ROBO1: variants seen among roughly 807,000 people sequenced by gnomAD.
ROBO1 encodes the protein roundabout homolog 1.
ROBO1 carries 149 observed loss-of-function variants against 195.9 expected under a neutral mutation model. The observed-to-expected ratio is 0.76, with a 90% CI of 0.67 to 0.87. ROBO1 has a LOEUF of 0.87. ROBO1 is among the 40% of genes least tolerant of loss of function. The pLI is 0.00. For missense variants in ROBO1, 1,933 were observed against 2,068.3 expected (o/e 0.93, Z 1.27); for synonymous variants, 816 against 733.2 (o/e 1.11, Z -1.82).
At chr3:78,606,659 C>T (rs1703473035) in intron 29 of ROBO1, 74 bp downstream of exon 29, 13 of 1,442,536 alleles carry the variant, frequency 9.0e-6, no homozygotes, top group Non-Finnish European at 1.2e-5. Flanking sequence ...TTTTACATGG[C>T]CATATAGAGC....
chr3:79,757,974 T>C (rs945733693), intron 1 of ROBO1, among the ~76,000 whole-genome samples: 4 of 152,212 alleles, frequency 2.6e-5, no homozygotes, highest in African/African-American at 9.6e-5. Context: ...GTCATTACCT[T>C]CTTGATCAGG....
At chr3:78,903,357 C>G (rs1444714532) in intron 4 of ROBO1, among the ~76,000 whole-genome samples, 1 of 151,848 alleles carries the variant, frequency 6.6e-6, no homozygotes, top group Non-Finnish European at 1.5e-5. Context: ...AAGTTTTGCC[C>G]TGTGACACAC....
chr3:79,503,461 A>G (rs1199172517), intron 2 of ROBO1, among the ~76,000 whole-genome samples: 1 of 152,334 alleles, frequency 6.6e-6, no homozygotes, highest in Non-Finnish European at 1.5e-5. Context: ...CCAATTCCGG[A>G]CACACAAGCA....
chr3:78,860,876 C>T (rs942444988), intron 4 of ROBO1, among the ~76,000 whole-genome samples: 2 of 152,136 alleles, frequency 1.3e-5, no homozygotes, highest in African/African-American at 4.8e-5. Context: ...GGGAGTTTTT[C>T]TCAGGTATCC....
At chr3:79,467,834 C>T (rs1217216500) in intron 2 of ROBO1, among the ~76,000 whole-genome samples, 1 of 152,158 alleles carries the variant, frequency 6.6e-6, no homozygotes, top group Admixed American at 6.5e-5. Flanking sequence ...GGGGCTAGAG[C>T]CTGAAAGCAC....
chr3:79,297,868 GA>G (rs1248128965), intron 2 of ROBO1, among the ~76,000 whole-genome samples: 1 of 151,958 alleles, frequency 6.6e-6, no homozygotes, highest in Non-Finnish European at 1.5e-5. Flanking sequence ...TATCACCTCT[GA>G]AATTCAAATC....
intron 3 of ROBO1, among the ~76,000 whole-genome samples, chr3:79,071,639 T>C (rs960733897): frequency 6.6e-6 from 1 of 151,670 alleles, no homozygotes; most frequent in Admixed American, 6.6e-5. Flanking sequence ...ATTCAATGAT[T>C]TTATGATAAT....
chr3:78,951,035 A>T (rs1379273803), intron 3 of ROBO1, among the ~76,000 whole-genome samples: 1 of 151,684 alleles, frequency 6.6e-6, no homozygotes, highest in African/African-American at 2.4e-5. Flanking sequence ...AATATATATA[A>T]AACCTATATA....
intron 4 of ROBO1, among the ~76,000 whole-genome samples, chr3:78,790,898 T>C (rs558145382): frequency 6.6e-6 from 1 of 152,264 alleles, no homozygotes; most frequent in African/African-American, 2.4e-5. Flanking sequence ...GGAAGGAAAA[T>C]GCCATTTAAC....
intron 2 of ROBO1, among the ~76,000 whole-genome samples, chr3:79,560,428 T>C (rs1942869753): frequency 6.7e-6 from 1 of 148,920 alleles, no homozygotes. Flanking sequence ...ATATACCTAA[T>C]GCTAAATGAC....
intron 4 of ROBO1, among the ~76,000 whole-genome samples, chr3:78,768,736 G>A (rs1014514691): frequency 4.0e-5 from 6 of 151,592 alleles, no homozygotes; most frequent in Non-Finnish European, 5.9e-5. Flanking sequence ...GTGCCATGCT[G>A]GTGCGCTGGT....
intron 1 of ROBO1, among the ~76,000 whole-genome samples, chr3:79,679,232 A>C (rs528321714): frequency 6.6e-6 from 1 of 152,140 alleles, no homozygotes; most frequent in African/African-American, 2.4e-5. Context: ...GAAATGCTTA[A>C]GTTATAAAAA....
chr3:79,236,965 A>T (rs1576854944), intron 2 of ROBO1, among the ~76,000 whole-genome samples: 1 of 152,184 alleles, frequency 6.6e-6, no homozygotes, highest in Non-Finnish European at 1.5e-5. Context: ...GCCAAGAGTG[A>T]CATTCCATGG....
chr3:78,759,844 A>C (rs1179304842), intron 4 of ROBO1, among the ~76,000 whole-genome samples: 2 of 151,952 alleles, frequency 1.3e-5, no homozygotes, highest in Non-Finnish European at 2.9e-5. Flanking sequence ...TTAACGTAAA[A>C]AATATGCAAA....
chr3:79,438,008 GT>G (rs1317550966), intron 2 of ROBO1, among the ~76,000 whole-genome samples: 3 of 151,732 alleles, frequency 2.0e-5, no homozygotes, highest in Admixed American at 6.6e-5. Context: ...AATCTTCTTG[GT>G]TTTTTTCTTT....
intron 2 of ROBO1, among the ~76,000 whole-genome samples, chr3:79,550,700 T>A (rs1190899746): frequency 6.6e-6 from 1 of 152,170 alleles, no homozygotes. Context: ...ATTCAATCAC[T>A]TTAAAACAGT....
chr3:79,552,688 G>T (rs961545177), intron 2 of ROBO1, among the ~76,000 whole-genome samples: 3 of 152,060 alleles, frequency 2.0e-5, no homozygotes, highest in African/African-American at 7.2e-5. Flanking sequence ...ACAATTATTA[G>T]CCTGGCATTG....
At chr3:79,078,160 G>T (rs1326051985) in intron 3 of ROBO1, among the ~76,000 whole-genome samples, 1 of 151,718 alleles carries the variant, frequency 6.6e-6, no homozygotes, top group Non-Finnish European at 1.5e-5. Flanking sequence ...GTCATAATCA[G>T]CTTGTATTAT....
chr3:79,095,584 A>G (rs2079552307), intron 3 of ROBO1, among the ~76,000 whole-genome samples: 1 of 152,178 alleles, frequency 6.6e-6, no homozygotes, highest in Admixed American at 6.6e-5. Context: ...CCTGGGCTAG[A>G]ACCATCTTGC....
Sources: allele counts gnomAD v4.1 joint callset (sites outside exome capture counted in the v4.1 genomes callset), GRCh38; gene constraint gnomAD v4.1.1; transcripts MANE v1.5; gene names NCBI Gene and HGNC (gene_info 2026-07-23, HGNC 2026-07-21).